The following RBFOX1 variants were observed in gnomAD, a reference collection of about 807,000 sequenced individuals.
RBFOX1 encodes RNA binding protein fox-1 homolog 1.
Under a neutral mutation model 57.7 loss-of-function variants are expected in RBFOX1, and 8 were observed. The ratio of observed to expected loss-of-function variants is 0.14; its 90% confidence interval spans 0.08 to 0.25. The LOEUF (loss-of-function observed/expected upper bound fraction) is 0.25. Among genes scored for constraint, RBFOX1 ranks in the 10% least tolerant of loss-of-function variants. RBFOX1 has a pLI of 1.00. For missense variants in RBFOX1, 611 were observed against 548.5 expected (o/e 1.11, Z -1.14); for synonymous variants, 326 against 222.4 (o/e 1.47, Z -4.15).
intron 3 of RBFOX1, among the ~76,000 whole-genome samples, chr16:6,678,136 G>A (rs1450843100): frequency 6.6e-6 from 1 of 152,134 alleles, no homozygotes; most frequent in African/African-American, 2.4e-5. Context: ...TTGTTGTGTT[G>A]TGTTTGAGAC....
chr16:5,327,772 A>G (rs905561067), intron 1 of RBFOX1, among the ~76,000 whole-genome samples: 9 of 152,170 alleles, frequency 5.9e-5, no homozygotes, highest in Non-Finnish European at 1.3e-4. Context: ...GCCAAGCGAA[A>G]ATGAATTACA....
At chr16:7,432,426 G>A (rs1466111072) in intron 4 of RBFOX1, among the ~76,000 whole-genome samples, 3 of 152,140 alleles carry the variant, frequency 2.0e-5, no homozygotes, top group Non-Finnish European at 4.4e-5. Context: ...TAATGCAATC[G>A]TTGTGCTTAC....
intron 2 of RBFOX1, among the ~76,000 whole-genome samples, chr16:6,574,681 G>C (rs968436817): frequency 8.8e-6 from 1 of 113,676 alleles, no homozygotes; most frequent in Non-Finnish European, 1.8e-5. Flanking sequence ...GCCCGCCTCG[G>C]CCTCCCAAAG....
chr16:5,671,180 T>G (rs1457790543), intron 3 of RBFOX1, among the ~76,000 whole-genome samples: 1 of 152,224 alleles, frequency 6.6e-6, no homozygotes, highest in African/African-American at 2.4e-5. Flanking sequence ...TATTTCTAAC[T>G]TAAGCTAGGA....
intron 4 of RBFOX1, among the ~76,000 whole-genome samples, chr16:5,967,914 CCT>C (rs1455982641): frequency 6.6e-6 from 1 of 152,096 alleles, no homozygotes; most frequent in Non-Finnish European, 1.5e-5. Flanking sequence ...CCCTACCATT[CCT>C]CTGTTTTTCG....
chr16:7,178,531 G>T (rs1471800928), intron 4 of RBFOX1, among the ~76,000 whole-genome samples: 1 of 152,156 alleles, frequency 6.6e-6, no homozygotes, highest in African/African-American at 2.4e-5. Context: ...AATGTGATGT[G>T]TGCATGGCAA....
chr16:7,083,507 C>A (rs1228229986), intron 4 of RBFOX1, among the ~76,000 whole-genome samples: 2 of 151,968 alleles, frequency 1.3e-5, no homozygotes, highest in Admixed American at 6.6e-5. Context: ...TATCAGAGGC[C>A]ATGAAGTATA....
chr16:5,752,883 C>CA, intron 3 of RBFOX1, among the ~76,000 whole-genome samples: 1 of 151,902 alleles, frequency 6.6e-6, no homozygotes, highest in East Asian at 1.9e-4. Flanking sequence ...GAACATTGTA[C>CA]AAAAAAAGAG....
In RBFOX1 at chr16:7,705,470, A is replaced by C. The variant is rs374123415; in HGVS notation, c.996-3586A>C. 7.2e-5 allele frequency among the ~76,000 whole-genome samples: 11 copies of C among 152,284 alleles called. No homozygotes were observed. In the East Asian group the frequency reaches 1.9e-3, roughly 27 times the overall value. Reference sequence around the variant, plus strand: ...CAGTGAGCCAAGATTGTGCCACTGCACTCCAGCCTTAGCAACAGAGCAAGA... The same window carrying C: ...CAGTGAGCCAAGATTGTGCCACTGCCCTCCAGCCTTAGCAACAGAGCAAGA... On this transcript the variant is annotated intron_variant, in intron 14 of 15. Transcript: ENST00000550418.
intron 4 of RBFOX1, among the ~76,000 whole-genome samples, chr16:7,379,185 G>T (rs1054458646): frequency 2.6e-5 from 4 of 152,104 alleles, no homozygotes; most frequent in African/African-American, 9.7e-5. Context: ...AAGGTTAAGG[G>T]GAGTGTTTGG....
At chr16:7,667,766 C>T (rs1203650968) in intron 13 of RBFOX1, among the ~76,000 whole-genome samples, 1 of 152,084 alleles carries the variant, frequency 6.6e-6, no homozygotes, top group Non-Finnish European at 1.5e-5. Context: ...CAACCTCTGC[C>T]CCCTGGAAGC....
At chr16:6,906,242 C>T (rs553359516) in intron 3 of RBFOX1, among the ~76,000 whole-genome samples, 2 of 151,870 alleles carry the variant, frequency 1.3e-5, no homozygotes, top group African/African-American at 2.4e-5. Flanking sequence ...ATTTATTACC[C>T]CCCCCCAAAA....
At chr16:7,397,330 C>A (rs1014850406) in intron 4 of RBFOX1, among the ~76,000 whole-genome samples, 2 of 152,134 alleles carry the variant, frequency 1.3e-5, no homozygotes, top group South Asian at 4.1e-4. Context: ...ATTCACTTTG[C>A]AAGTGACTTT....
chr16:7,303,580 T>C (rs2096085415), intron 4 of RBFOX1, among the ~76,000 whole-genome samples: 1 of 150,954 alleles, frequency 6.6e-6, no homozygotes, highest in Non-Finnish European at 1.5e-5. Flanking sequence ...ACAAAAAAAA[T>C]AAATAATTTT....
intron 9 of RBFOX1, among the ~76,000 whole-genome samples, chr16:7,598,584 C>G (rs1432578697): frequency 6.6e-6 from 1 of 152,058 alleles, no homozygotes; most frequent in Non-Finnish European, 1.5e-5. Context: ...TCCTACCTCC[C>G]CCCTCACAGG....
intron 2 of RBFOX1, among the ~76,000 whole-genome samples, chr16:6,616,491 A>T (rs866341262): frequency 6.6e-6 from 1 of 152,084 alleles, no homozygotes; most frequent in East Asian, 1.9e-4. Context: ...CCTGGCTAAC[A>T]AGGTGAAACC....
chr16:7,214,027 C>T (rs12918478), intron 4 of RBFOX1, among the ~76,000 whole-genome samples: 5 of 151,818 alleles, frequency 3.3e-5, no homozygotes, highest in Non-Finnish European at 7.4e-5. Context: ...TTGACCTCTC[C>T]CCTTTGCCTA....
intron 2 of RBFOX1, among the ~76,000 whole-genome samples, chr16:6,318,211 C>A (rs750413050): frequency 1.3e-5 from 2 of 152,178 alleles, no homozygotes; most frequent in African/African-American, 2.4e-5. Flanking sequence ...TCAGCTAACG[C>A]TTGTATCTCA....
At chr16:5,443,341 G>C (rs2068142492) in intron 1 of RBFOX1, among the ~76,000 whole-genome samples, 1 of 151,984 alleles carries the variant, frequency 6.6e-6, no homozygotes, top group African/African-American at 2.4e-5. Context: ...GCGTTTTGGT[G>C]TTTTTTGTTT....
Sources: gnomAD v4.1 joint callset for allele counts (sites outside exome capture counted in the v4.1 genomes callset) on GRCh38, gnomAD v4.1.1 for gene constraint, MANE v1.5 for transcripts, NCBI Gene and HGNC (gene_info 2026-07-23, HGNC 2026-07-21) for gene names.